EHMT1: variants seen among roughly 807,000 people sequenced by gnomAD.
The protein encoded by EHMT1 is euchromatic histone lysine methyltransferase 1.
Under a neutral mutation model 147.2 loss-of-function variants are expected in EHMT1, and 15 were observed. The ratio of observed to expected loss-of-function variants is 0.10; its 90% CI spans 0.07 to 0.16. The LOEUF (loss-of-function observed/expected upper bound fraction) is 0.16. EHMT1 is among the 10% of genes least tolerant of loss of function. The pLI is 1.00. For missense variants in EHMT1, 1,587 were observed against 1,772.4 expected (o/e 0.90, Z 1.88); for synonymous variants, 795 against 709.6 (o/e 1.12, Z -1.91).
intron 4 of EHMT1, among the ~76,000 whole-genome samples, chr9:137,730,625 C>T (rs9410041): frequency 0.042 from 6,460 of 152,298 alleles, 162 homozygotes; most frequent in African/African-American, 0.071. Context: ...TTTACGGACT[C>T]TTATTTGAGT....
intron 25 of EHMT1, among the ~76,000 whole-genome samples, chr9:137,820,607 T>C (rs1355607209): frequency 6.6e-6 from 1 of 152,252 alleles, no homozygotes; most frequent in East Asian, 1.9e-4. Flanking sequence ...ATGTTTGCTT[T>C]CACGTGGCTT....
chr9:137,657,355 G>C (rs1228659513), intron 1 of EHMT1, among the ~76,000 whole-genome samples: 1 of 152,120 alleles, frequency 6.6e-6, no homozygotes, highest in Non-Finnish European at 1.5e-5. Flanking sequence ...TCTTTCTCGT[G>C]GCAGTGTTGA....
intron 16 of EHMT1, among the ~76,000 whole-genome samples, chr9:137,792,568 G>T (rs1224948164): frequency 6.6e-6 from 1 of 152,212 alleles, no homozygotes; most frequent in Non-Finnish European, 1.5e-5. Context: ...AGCCGGGCGT[G>T]GTGATGGGTG....
intron 18 of EHMT1, chr9:137,802,591 C>G (rs929884862): frequency 7.5e-6 from 3 of 399,110 alleles, no homozygotes; most frequent in African/African-American, 6.2e-5. Context: ...TTGAGAACGG[C>G]GTGGGCACGG....
At chr9:137,799,173 C>T (rs559751642) in intron 17 of EHMT1, among the ~76,000 whole-genome samples, 2 of 145,432 alleles carry the variant, frequency 1.4e-5, no homozygotes, top group South Asian at 2.2e-4. Context: ...TCCACGGCAT[C>T]GCCTTCCACA....
chr9:137,678,469 C>T (rs1372212832), intron 1 of EHMT1, among the ~76,000 whole-genome samples: 1 of 152,172 alleles, frequency 6.6e-6, no homozygotes, highest in Non-Finnish European at 1.5e-5. Flanking sequence ...TTGTCACGAT[C>T]ATGTGCTTTC....
At chr9:137,713,163 A>G (rs1291000432) in intron 2 of EHMT1, among the ~76,000 whole-genome samples, 1 of 151,728 alleles carries the variant, frequency 6.6e-6, no homozygotes, top group South Asian at 2.1e-4. Context: ...GAGTGTGATC[A>G]TGGCTTACTC....
chr9:137,656,098 G>C (rs1938411938), intron 1 of EHMT1, among the ~76,000 whole-genome samples: 1 of 152,172 alleles, frequency 6.6e-6, no homozygotes, highest in South Asian at 2.1e-4. Flanking sequence ...GTGTACATAT[G>C]GCTGGGCGCA....
chr9:137,822,833 C>T (rs1955525791), intron 25 of EHMT1, among the ~76,000 whole-genome samples: 2 of 148,920 alleles, frequency 1.3e-5, no homozygotes, highest in Admixed American at 6.7e-5. Flanking sequence ...GTGGAGGTTG[C>T]AGTGAGCCAA....
intron 1 of EHMT1, among the ~76,000 whole-genome samples, chr9:137,699,296 G>T (rs867665833): frequency 1.1e-4 from 17 of 152,304 alleles, no homozygotes; most frequent in Middle Eastern, 3.4e-3. Context: ...TGGTCATTTC[G>T]TATTAAATGA....
chr9:137,704,925 T>C (rs1944136386), intron 1 of EHMT1, among the ~76,000 whole-genome samples: 3 of 146,696 alleles, frequency 2.0e-5, no homozygotes, highest in Non-Finnish European at 3.0e-5. Context: ...TTTTCTTTCT[T>C]TCCTCCCTTC....
intron 1 of EHMT1, among the ~76,000 whole-genome samples, chr9:137,645,045 G>T (rs1844785895): frequency 6.6e-6 from 1 of 152,056 alleles, no homozygotes; most frequent in African/African-American, 2.4e-5. Flanking sequence ...GCTAATTTTT[G>T]TATTTTTAGT....
chr9:137,626,676 G>T (rs924031578), intron 1 of EHMT1, among the ~76,000 whole-genome samples: 1 of 151,916 alleles, frequency 6.6e-6, no homozygotes, highest in African/African-American at 2.4e-5. Flanking sequence ...GCCGTGTTGC[G>T]AATAAAGCAC....
intron 1 of EHMT1, among the ~76,000 whole-genome samples, chr9:137,693,046 G>A (rs1943076658): frequency 6.6e-6 from 1 of 152,188 alleles, no homozygotes. Context: ...GCACAGCAGA[G>A]GTTTTCAGCA....
At chr9:137,753,799 C>T (rs1288608464) in intron 7 of EHMT1, among the ~76,000 whole-genome samples, 6 of 151,886 alleles carry the variant, frequency 4.0e-5, no homozygotes, top group East Asian at 3.9e-4. Context: ...TGAAGCAAGC[C>T]GAGCGTTGAT....
At chr9:137,715,848 C>T in intron 2 of EHMT1, 1 of 984,560 alleles carries the variant, frequency 1.0e-6, no homozygotes, top group Non-Finnish European at 1.2e-6. Flanking sequence ...AAATAACACT[C>T]CATGTTTTAT....
In EHMT1 at chr9:137,711,080, A is replaced by G. The variant is rs568679900; in HGVS notation, c.85+50A>G. ...CAGGAGCAGCGCCTCCCTCCAGACT[A>G]GAAAACCTGCTGCTCTTCCTCTCTT... On this transcript the variant is annotated intron_variant, in intron 2 of 26. Coordinates refer to ENST00000460843, the MANE Select transcript of EHMT1 (RefSeq NM_024757.5). 8.3e-5 allele frequency: 127 copies of G among 1,536,300 alleles called. 3 individuals carry two copies. The South Asian group carries it at 1.5e-3, about 18-fold the overall frequency.
At chr9:137,722,125 A>C (rs1946120348) in intron 3 of EHMT1, among the ~76,000 whole-genome samples, 1 of 152,084 alleles carries the variant, frequency 6.6e-6, no homozygotes, top group Admixed American at 6.5e-5. Flanking sequence ...AACTCACGTT[A>C]GAAACTGTAC....
At chr9:137,830,266 T>C (rs928813570) in intron 25 of EHMT1, among the ~76,000 whole-genome samples, 1 of 152,178 alleles carries the variant, frequency 6.6e-6, no homozygotes, top group Admixed American at 6.5e-5. Flanking sequence ...GCCTCCCTTA[T>C]GTTCCTTGCC....
Sources: allele counts gnomAD v4.1 joint callset (sites outside exome capture counted in the v4.1 genomes callset), GRCh38; gene constraint gnomAD v4.1.1; transcripts MANE v1.5; gene names NCBI Gene and HGNC (gene_info 2026-07-23, HGNC 2026-07-21).